Variants in B3GALT1 observed in about 807,000 individuals in gnomAD.
B3GALT1 encodes UDP-Gal:betaGlcNAc beta 1,3-galactosyltransferase, polypeptide 1.
B3GALT1 carries 10 observed loss-of-function variants against 23.2 expected under a neutral mutation model. The observed-to-expected ratio is 0.43, with a 90% CI of 0.27 to 0.73. The LOEUF (loss-of-function observed/expected upper bound fraction) is 0.73, where lower values mean the gene tolerates loss of function less well. B3GALT1 is among the 30% of genes least tolerant of loss of function. The pLI, the probability that B3GALT1 is intolerant of heterozygous loss-of-function variation, is 0.21. For missense variants in B3GALT1, 299 were observed against 405.4 expected (o/e 0.74, Z 2.25); for synonymous variants, 156 against 141.5 (o/e 1.10, Z -0.73).
chr2:167,868,231 A>G (rs1310673439), intron 4 of B3GALT1, among the ~76,000 whole-genome samples: 1 of 152,236 alleles, frequency 6.6e-6, no homozygotes, highest in Non-Finnish European at 1.5e-5. Context: ...AGCCAAAGTA[A>G]GGAGAAAAGG....
chr2:167,806,044 A>C (rs1253019880), intron 3 of B3GALT1, among the ~76,000 whole-genome samples: 1 of 152,060 alleles, frequency 6.6e-6, no homozygotes, highest in East Asian at 1.9e-4. Flanking sequence ...GGTCCTTCAC[A>C]TCCCTTGTAA....
At chr2:167,686,132 T>C (rs1686613455) in intron 3 of B3GALT1, among the ~76,000 whole-genome samples, 1 of 152,206 alleles carries the variant, frequency 6.6e-6, no homozygotes, top group South Asian at 2.1e-4. Flanking sequence ...AAATTAAAGA[T>C]AGAAAGATTA....
intron 1 of B3GALT1, among the ~76,000 whole-genome samples, chr2:167,465,649 G>A (rs1438323519): frequency 6.6e-6 from 1 of 152,132 alleles, no homozygotes; most frequent in African/African-American, 2.4e-5. Context: ...AGTGATAGGT[G>A]TCAACATATG....
intron 3 of B3GALT1, among the ~76,000 whole-genome samples, chr2:167,656,031 A>C (rs543170027): frequency 6.6e-6 from 1 of 152,250 alleles, no homozygotes; most frequent in East Asian, 1.9e-4. Context: ...TCCTGATGAC[A>C]GTGACAGTCT....
In B3GALT1 at chr2:167,870,987, G is replaced by C. The variant is rs1229493022; in HGVS notation, c.*967G>C. 1 of 164,182 alleles carries C rather than the reference G, an allele frequency of 6.1e-6. No individual in the cohort carries two copies. Among genetic ancestry groups the C allele is most frequent in the African/African-American group, 2.4e-5 (1 of 41,436 alleles). 10.2% of individuals were successfully genotyped at this position (164,182 alleles called of 1,614,324 possible). A position where few individuals can be genotyped will look rare whatever the true frequency, so the allele number is the denominator to read the frequency against. ...ATAGTATAAGATGCCCCCACACACAGACATTTGCAAAGCACATGAGAAAAT... is the reference window on the plus strand; with the variant it reads ...ATAGTATAAGATGCCCCCACACACACACATTTGCAAAGCACATGAGAAAAT... On this transcript the variant is annotated 3_prime_UTR_variant, in exon 5 of 5. Coordinates refer to ENST00000392690, the MANE Select transcript of B3GALT1 (RefSeq NM_020981.4).
At chr2:167,492,698 T>C (rs1211464613) in intron 2 of B3GALT1, among the ~76,000 whole-genome samples, 1 of 152,198 alleles carries the variant, frequency 6.6e-6, no homozygotes, top group African/African-American at 2.4e-5. Flanking sequence ...TTTTTCATGG[T>C]CTCATGTTCT....
chr2:167,545,105 A>G lies in B3GALT1; in HGVS notation c.-410+54828A>G, dbSNP rs545229961. On this transcript the variant is annotated intron_variant, in intron 2 of 4. Coordinates refer to ENST00000392690, the MANE Select transcript of B3GALT1 (RefSeq NM_020981.4). ...GCTGGAGTGCAGTGGCACGATCTCT[A>G]CTCACTGCAAGCTCTGCCTCCCGGG... 8.3e-4 allele frequency among the ~76,000 whole-genome samples: 103 copies of G among 123,608 alleles called. 1 individual carries two copies. The highest frequency in any genetic ancestry group is 4.1e-3 in the Admixed American group (35 of 8,586). 81.1% of individuals were successfully genotyped at this position (123,608 alleles called of 152,430 possible). A position where few individuals can be genotyped will look rare whatever the true frequency, so the allele number is the denominator to read the frequency against.
At chr2:167,578,142 G>A (rs909972361) in intron 2 of B3GALT1, among the ~76,000 whole-genome samples, 3 of 151,928 alleles carry the variant, frequency 2.0e-5, no homozygotes, top group Admixed American at 6.6e-5. Flanking sequence ...ATATTGGCAT[G>A]TGAGCAATTA....
intron 1 of B3GALT1, among the ~76,000 whole-genome samples, chr2:167,428,342 G>T (rs1698654099): frequency 6.6e-6 from 1 of 152,208 alleles, no homozygotes; most frequent in African/African-American, 2.4e-5. Context: ...TGGCATGCCA[G>T]AAATTTTTTT....
At chr2:167,671,746 G>C (rs928059426) in intron 3 of B3GALT1, among the ~76,000 whole-genome samples, 2 of 151,652 alleles carry the variant, frequency 1.3e-5, no homozygotes, top group Non-Finnish European at 1.5e-5. Flanking sequence ...AAAAAGAATA[G>C]ACTTAGCACA....
chr2:167,357,141 A>G (rs1697428971), intron 1 of B3GALT1, among the ~76,000 whole-genome samples: 1 of 152,056 alleles, frequency 6.6e-6, no homozygotes, highest in Non-Finnish European at 1.5e-5. Context: ...TTATGTAAAA[A>G]GTGTATAATA....
chr2:167,727,565 C>T (rs1281642238), intron 3 of B3GALT1, among the ~76,000 whole-genome samples: 3 of 152,298 alleles, frequency 2.0e-5, no homozygotes, highest in Admixed American at 6.5e-5. Context: ...CAACCCATTA[C>T]TGCATCAATT....
At chr2:167,804,064 C>T (rs1010364420) in intron 3 of B3GALT1, among the ~76,000 whole-genome samples, 5 of 152,090 alleles carry the variant, frequency 3.3e-5, no homozygotes, top group African/African-American at 4.8e-5. Context: ...GGCGTGATCT[C>T]GGCACACTGC....
At chr2:167,534,158 C>T (rs1227129) in intron 2 of B3GALT1, among the ~76,000 whole-genome samples, 87,753 of 152,040 alleles carry the variant, frequency 0.58, 29,296 homozygotes, top group East Asian at 0.99. Context: ...AAGATACTTA[C>T]CTTTCATCAT....
intron 3 of B3GALT1, among the ~76,000 whole-genome samples, chr2:167,700,675 C>T (rs897088672): frequency 2.6e-5 from 4 of 151,366 alleles, no homozygotes; most frequent in African/African-American, 9.7e-5. Context: ...TCAGTACAGT[C>T]AAAAAAAAGA....
intron 1 of B3GALT1, among the ~76,000 whole-genome samples, chr2:167,349,594 AT>A (rs1685844346): frequency 2.6e-5 from 4 of 152,206 alleles, no homozygotes; most frequent in Admixed American, 2.6e-4. Context: ...AAAGAAACTT[AT>A]GCTAATTTTA....
chr2:167,452,336 G>A (rs538581282), intron 1 of B3GALT1, among the ~76,000 whole-genome samples: 4 of 152,192 alleles, frequency 2.6e-5, no homozygotes, highest in South Asian at 4.2e-4. Context: ...GTCAGAAATG[G>A]CTTCCTTGGG....
At chr2:167,299,868 CAT>C (rs565982002) in intron 1 of B3GALT1, among the ~76,000 whole-genome samples, 94 of 150,792 alleles carry the variant, frequency 6.2e-4, no homozygotes, top group Non-Finnish European at 9.6e-4. Flanking sequence ...ATTTATATAA[CAT>C]ATATTCTTTT....
rs112675520 is a variant in B3GALT1 at position 167,841,869 on chromosome 2, T to G, written c.-230+23076T>G. 7.9e-4 allele frequency among the ~76,000 whole-genome samples: 121 copies of G among 152,298 alleles called. 1 individual carries two copies. Among genetic ancestry groups the G allele is most frequent in the African/African-American group, 2.8e-3 (118 of 41,592 alleles). On this transcript the variant is annotated intron_variant, in intron 4 of 4. Transcript: ENST00000392690. ...CCATAGGAAATAATGATAGAAAGACTATATTTAAGTAACTTTTCATACAAT... is the reference window on the plus strand; with the variant it reads ...CCATAGGAAATAATGATAGAAAGACGATATTTAAGTAACTTTTCATACAAT...
Sources: allele counts gnomAD v4.1 joint callset (sites outside exome capture counted in the v4.1 genomes callset), GRCh38; gene constraint gnomAD v4.1.1; transcripts MANE v1.5; gene names NCBI Gene and HGNC (gene_info 2026-07-23, HGNC 2026-07-21).